TAX1BP1: variants seen among roughly 807,000 people sequenced by gnomAD.
The protein encoded by TAX1BP1 is Tax1 binding protein 1.
In TAX1BP1, 62 loss-of-function variants were observed where a neutral mutation model predicts 97.7. That is an observed-to-expected ratio of 0.63 (90% CI 0.52 to 0.78). TAX1BP1 has a LOEUF of 0.78. Among genes scored for constraint, TAX1BP1 ranks in the 30% least tolerant of loss-of-function variants. The pLI, the probability that TAX1BP1 is intolerant of heterozygous loss-of-function variation, is 0.00. For missense variants in TAX1BP1, 867 were observed against 916.1 expected (o/e 0.95, Z 0.69); for synonymous variants, 340 against 304.2 (o/e 1.12, Z -1.23).
intron 9 of TAX1BP1, 140 bp downstream of exon 9, chr7:27,792,370 C>A: frequency 1.3e-6 from 1 of 799,146 alleles, no homozygotes; most frequent in Non-Finnish European, 1.9e-6. Context: ...TTTGTTTAGT[C>A]ATTGTGACTT....
At chr7:27,790,931 T>G (rs1375623222) in intron 8 of TAX1BP1, among the ~76,000 whole-genome samples, 1 of 152,166 alleles carries the variant, frequency 6.6e-6, no homozygotes, top group African/African-American at 2.4e-5. Flanking sequence ...GTTGGTGAGT[T>G]GAATTTTTTT....
At chr7:27,774,376 C>T (rs143872975) in intron 5 of TAX1BP1, among the ~76,000 whole-genome samples, 7 of 152,076 alleles carry the variant, frequency 4.6e-5, no homozygotes, top group African/African-American at 1.2e-4. Flanking sequence ...ATGGATAAGT[C>T]GTCTAGTTAA....
chr7:27,792,935 C>G, intron 9 of TAX1BP1, 131 bp from the exon 10 acceptor site: 1 of 764,192 alleles, frequency 1.3e-6, no homozygotes, highest in Non-Finnish European at 2.0e-6. Flanking sequence ...GTGTTTCAGC[C>G]TGGGTGACAG....
intron 3 of TAX1BP1, among the ~76,000 whole-genome samples, chr7:27,761,718 A>G (rs980730365): frequency 6.6e-6 from 1 of 152,212 alleles, no homozygotes; most frequent in Non-Finnish European, 1.5e-5. Context: ...ATCATAGTTT[A>G]TGAATCTATT....
At chr7:27,776,822 C>CT (rs1038300983) in intron 5 of TAX1BP1, among the ~76,000 whole-genome samples, 2 of 146,034 alleles carry the variant, frequency 1.4e-5, no homozygotes, top group African/African-American at 2.5e-5. Flanking sequence ...TTCACTTGTG[C>CT]TTTTTTTTTA....
At chr7:27,782,901 A>G (rs1047188848) in intron 5 of TAX1BP1, among the ~76,000 whole-genome samples, 1 of 152,188 alleles carries the variant, frequency 6.6e-6, no homozygotes, top group Non-Finnish European at 1.5e-5. Context: ...ATTTTTTAAC[A>G]TGAGAATAAA....
intron 5 of TAX1BP1, among the ~76,000 whole-genome samples, chr7:27,783,004 T>C (rs1342530411): frequency 6.6e-6 from 1 of 152,072 alleles, no homozygotes; most frequent in Non-Finnish European, 1.5e-5. Context: ...TAAGTGAGAG[T>C]TATGACTTGT....
At chr7:27,774,087 TA>T (rs757970420) in intron 5 of TAX1BP1, among the ~76,000 whole-genome samples, 9 of 152,110 alleles carry the variant, frequency 5.9e-5, no homozygotes, top group Non-Finnish European at 1.3e-4. Context: ...TTTTGATTCT[TA>T]AGTTTCACAA....
chr7:27,784,168 GA>G (rs1229397367), intron 5 of TAX1BP1, among the ~76,000 whole-genome samples: 1 of 152,134 alleles, frequency 6.6e-6, no homozygotes, highest in African/African-American at 2.4e-5. Context: ...TAACTTGGCA[GA>G]ACGGTGATTT....
At chr7:27,782,346 C>T (rs936422921) in intron 5 of TAX1BP1, among the ~76,000 whole-genome samples, 8 of 152,022 alleles carry the variant, frequency 5.3e-5, no homozygotes, top group Non-Finnish European at 8.8e-5. Flanking sequence ...AAGCAATTCT[C>T]CTGCTTGAGT....
At chr7:27,743,009 C>G (rs1249087770) in intron 1 of TAX1BP1, among the ~76,000 whole-genome samples, 1 of 152,062 alleles carries the variant, frequency 6.6e-6, no homozygotes, top group Non-Finnish European at 1.5e-5. Flanking sequence ...GCATTTCTGT[C>G]TTTTTAAAGC....
intron 5 of TAX1BP1, among the ~76,000 whole-genome samples, chr7:27,773,590 T>C (rs532544484): frequency 6.6e-6 from 1 of 152,220 alleles, no homozygotes; most frequent in East Asian, 1.9e-4. Flanking sequence ...CTTAGCATAA[T>C]GTTTTCAAGG....
chr7:27,765,775 A>C, intron 3 of TAX1BP1, 59 bp from the exon 4 acceptor site: 1 of 1,442,416 alleles, frequency 6.9e-7, no homozygotes, highest in South Asian at 1.2e-5. Context: ...TGTTAAATTG[A>C]AATAACATGA....
chr7:27,785,544 G>A (rs541308576), intron 7 of TAX1BP1, 55 bp downstream of exon 7: 3 of 1,449,598 alleles, frequency 2.1e-6, no homozygotes, highest in Middle Eastern at 1.9e-4. Context: ...AATGACCCCA[G>A]AACTTAGGGG....
chr7:27,812,990 C>T (rs911664795), intron 13 of TAX1BP1, among the ~76,000 whole-genome samples: 1 of 152,036 alleles, frequency 6.6e-6, no homozygotes, highest in Non-Finnish European at 1.5e-5. Context: ...ACTGTGTGGC[C>T]TACAAAGGTG....
At chr7:27,768,042 A>G (rs985426900) in intron 4 of TAX1BP1, among the ~76,000 whole-genome samples, 1 of 151,266 alleles carries the variant, frequency 6.6e-6, no homozygotes, top group Admixed American at 6.6e-5. Context: ...TCCTAGATTT[A>G]AAAAAAAACT....
chr7:27,760,992 T>C (rs1471486593), intron 3 of TAX1BP1, among the ~76,000 whole-genome samples: 1 of 152,148 alleles, frequency 6.6e-6, no homozygotes, highest in Non-Finnish European at 1.5e-5. Context: ...ACCAGTGGCA[T>C]GGCAGACAGT....
chr7:27,819,940 C>T (rs1172674818), intron 15 of TAX1BP1, among the ~76,000 whole-genome samples: 1 of 152,138 alleles, frequency 6.6e-6, no homozygotes, highest in African/African-American at 2.4e-5. Context: ...TAAATCCTTG[C>T]TCCTCAAAAA....
chr7:27,797,869 A>T (rs1789995899), intron 12 of TAX1BP1, among the ~76,000 whole-genome samples: 1 of 150,934 alleles, frequency 6.6e-6, no homozygotes. Flanking sequence ...AAACAACCAT[A>T]TTGAGGTATA....
Sources: allele counts gnomAD v4.1 joint callset (sites outside exome capture counted in the v4.1 genomes callset), GRCh38; gene constraint gnomAD v4.1.1; transcripts MANE v1.5; gene names NCBI Gene and HGNC (gene_info 2026-07-23, HGNC 2026-07-21).